Variants in LINC00632 observed in about 807,000 individuals in gnomAD.
The protein encoded by LINC00632 is ALDOA related specific transcript.
intron 2 of LINC00632, among the ~76,000 whole-genome samples, chrX:140,723,783 T>A (rs1339012784): frequency 2.8e-3 from 2 of 706 alleles, no homozygotes; most frequent in Admixed American, 0.027. Context: ...ACACATTCCA[T>A]ACACACATAC....
At chrX:140,739,320 AG>A (rs1279784954) in intron 3 of LINC00632, among the ~76,000 whole-genome samples, 1 of 110,641 alleles carries the variant, frequency 9.0e-6, no homozygotes, top group Admixed American at 9.7e-5. Flanking sequence ...CCCGGGTTCA[AG>A]CGATTCTCCT....
At chrX:140,720,262 T>G (rs770623084) in intron 2 of LINC00632, among the ~76,000 whole-genome samples, 1 of 110,851 alleles carries the variant, frequency 9.0e-6, no homozygotes, top group South Asian at 3.9e-4. Context: ...TCTTCAAAAC[T>G]TAGTTTAAAA....
chrX:140,768,165 G>C (rs1356900747), intron 3 of LINC00632, among the ~76,000 whole-genome samples: 1 of 111,138 alleles, frequency 9.0e-6, no homozygotes, highest in East Asian at 2.8e-4. Context: ...GTGTGACTTT[G>C]GACATGCCAC....
At chrX:140,772,320 G>C (rs1320643907) in exon 4 of LINC00632, 2 of 294,099 alleles carry the variant, frequency 6.8e-6, no homozygotes, top group Non-Finnish European at 1.2e-5. Flanking sequence ...TGTTGCCTCT[G>C]CAGCCATTGA....
intron 3 of LINC00632, among the ~76,000 whole-genome samples, chrX:140,757,233 C>T (rs34423164): frequency 0.072 from 8,039 of 110,948 alleles, 285 homozygotes; most frequent in Admixed American, 0.15. Flanking sequence ...TTATTACAAC[C>T]GTGCGCCTTG....
chrX:140,784,404 T>C, exon 5 of LINC00632: 2 of 1,192,368 alleles, frequency 1.7e-6, no homozygotes, highest in East Asian at 3.0e-5. Flanking sequence ...AAAATATATG[T>C]CTTCCAACTA....
intron 2 of LINC00632, among the ~76,000 whole-genome samples, chrX:140,718,584 T>C (rs73590127): frequency 0.11 from 11,931 of 110,131 alleles, 821 homozygotes; most frequent in African/African-American, 0.25. Context: ...CTAATTTTTG[T>C]ACTTTTAGTA....
chrX:140,712,011 T>G (rs1364862226), intron 2 of LINC00632: 1 of 111,598 alleles, frequency 9.0e-6, no homozygotes, highest in East Asian at 2.8e-4. Flanking sequence ...TGTTTCAGCA[T>G]CACTTATTGA....
At chrX:140,753,380 C>A (rs1332661145) in intron 3 of LINC00632, among the ~76,000 whole-genome samples, 1 of 111,573 alleles carries the variant, frequency 9.0e-6, no homozygotes, top group Non-Finnish European at 1.9e-5. Context: ...ACATCTTCGC[C>A]TTTATTTTTT....
At chrX:140,783,315 C>T (rs1057107362) in exon 5 of LINC00632, 20 of 385,112 alleles carry the variant, frequency 5.2e-5, no homozygotes, top group Middle Eastern at 9.6e-4. Context: ...CCATGTCTTC[C>T]GGACAATCCA....
exon 5 of LINC00632, among the ~76,000 whole-genome samples, chrX:140,790,169 G>A (rs911505048): frequency 5.2e-4 from 58 of 111,292 alleles, no homozygotes; most frequent in Non-Finnish European, 4.0e-4. Flanking sequence ...GTGTGGGCCA[G>A]TGTGCCTGGT....
intron 3 of LINC00632, among the ~76,000 whole-genome samples, chrX:140,769,605 T>C (rs928526644): frequency 4.5e-5 from 5 of 111,179 alleles, no homozygotes; most frequent in Non-Finnish European, 9.4e-5. Flanking sequence ...CTTTCGTTAA[T>C]ATCAAGACAG....
chrX:140,742,229 A>G (rs971211204), intron 3 of LINC00632, among the ~76,000 whole-genome samples: 2 of 112,017 alleles, frequency 1.8e-5, no homozygotes, highest in Admixed American at 1.9e-4. Context: ...TTATGGTTAA[A>G]ATTATTGAGT....
At chrX:140,717,281 A>C (rs1930649948) in intron 2 of LINC00632, among the ~76,000 whole-genome samples, 1 of 110,526 alleles carries the variant, frequency 9.0e-6, no homozygotes, top group Non-Finnish European at 1.9e-5. Context: ...GCCCCTGGCC[A>C]CAACGCATTT....
exon 5 of LINC00632, chrX:140,783,335 AGAAGC>A: frequency 2.5e-6 from 1 of 402,781 alleles, no homozygotes; most frequent in South Asian, 5.0e-5. Flanking sequence ...ATGTCTTCCA[AGAAGC>A]TCCAAGTCTT....
intron 3 of LINC00632, among the ~76,000 whole-genome samples, chrX:140,739,034 A>G (rs1931186261): frequency 9.0e-6 from 1 of 110,974 alleles, no homozygotes; most frequent in Admixed American, 9.7e-5. Context: ...TAAGCAAGAA[A>G]AAGTTTAAAA....
At chrX:140,779,704 T>C (rs2148404182) in exon 5 of LINC00632, among the ~76,000 whole-genome samples, 1 of 112,194 alleles carries the variant, frequency 8.9e-6, no homozygotes, top group East Asian at 2.8e-4. Context: ...TAAGTATGAA[T>C]CTATTGTGTT....
At chrX:140,711,435 C>T (rs913859492) in intron 1 of LINC00632, among the ~76,000 whole-genome samples, 1 of 111,442 alleles carries the variant, frequency 9.0e-6, no homozygotes, top group African/African-American at 3.3e-5. Flanking sequence ...GAGCAATTCC[C>T]CATATTTTAA....
intron 3 of LINC00632, among the ~76,000 whole-genome samples, chrX:140,771,290 G>A (rs1006813654): frequency 3.1e-5 from 3 of 97,394 alleles, no homozygotes; most frequent in African/African-American, 9.7e-5. Flanking sequence ...AATAAAATTC[G>A]AAAGTAAATG....
Sources: gnomAD v4.1 joint callset for allele counts (sites outside exome capture counted in the v4.1 genomes callset) on GRCh38, gnomAD v4.1.1 for gene constraint, MANE v1.5 for transcripts, NCBI Gene and HGNC (gene_info 2026-07-23, HGNC 2026-07-21) for gene names.